Variants in INTS3 observed in about 807,000 individuals in gnomAD.
The protein encoded by INTS3 is integrator complex subunit 3.
Under a neutral mutation model 146.3 loss-of-function variants are expected in INTS3, and 34 were observed. The ratio of observed to expected loss-of-function variants is 0.23; its 90% CI spans 0.18 to 0.31. INTS3 has a LOEUF of 0.31. Among genes scored for constraint, INTS3 ranks in the 10% least tolerant of loss-of-function variants. The probability of loss-of-function intolerance (pLI) is 1.00; values close to 1 mark genes in which losing one functional copy is unlikely to be tolerated. For synonymous variants in INTS3, 475 were observed against 494.9 expected, an observed-to-expected ratio of 0.96 and a Z score of 0.53; for missense variants, 757 against 1,304.2, an observed-to-expected ratio of 0.58 and a Z score of 6.46.
intron 22 of INTS3, 57 bp from the exon 23 acceptor site, chr1:153,769,712 A>T: frequency 8.5e-7 from 1 of 1,179,756 alleles, no homozygotes. Flanking sequence ...CCTCCATACT[A>T]GCTTCCTGGC....
At chr1:153,755,422 G>A (rs1447929063) in intron 9 of INTS3, among the ~76,000 whole-genome samples, 1 of 152,054 alleles carries the variant, frequency 6.6e-6, no homozygotes, top group East Asian at 1.9e-4. Flanking sequence ...CACCACACCT[G>A]GCAAATTTTG....
chr1:153,773,510 G>A lies in INTS3; in HGVS notation c.*240G>A. The A allele has an allele frequency of 1.7e-6, 1 of 591,072 alleles. No homozygotes were observed. Among genetic ancestry groups the A allele is most frequent in the Non-Finnish European group, 3.1e-6 (1 of 323,556 alleles). The allele number at this position is 591,072 out of a possible 1,614,324, so 36.6% of individuals were successfully genotyped here. A position where few individuals can be genotyped will look rare whatever the true frequency, so the allele number is the denominator to read the frequency against. ...CACTGCTGTTCCCAGTGATATTTGG[G>A]ATCTGACTGAAGCCAGAGGCTCTGT... On this transcript the variant is annotated 3_prime_UTR_variant, in exon 30 of 30. Coordinates refer to ENST00000318967, the MANE Select transcript of INTS3 (RefSeq NM_023015.5).
At chr1:153,770,633 C>G (rs921954852) in intron 24 of INTS3, 52 bp from the exon 25 acceptor site, 28 of 1,499,514 alleles carry the variant, frequency 1.9e-5, no homozygotes, top group Non-Finnish European at 2.6e-5. Context: ...TCCCCAGATT[C>G]CATCCTGGAA....
chr1:153,737,495 G>A (rs6663988), intron 1 of INTS3, among the ~76,000 whole-genome samples: 20,235 of 152,094 alleles, frequency 0.13, 2,391 homozygotes, highest in African/African-American at 0.32. Flanking sequence ...TTGTTTAACT[G>A]GAGACCCTGG....
chr1:153,747,475 C>T (rs1671793461), intron 5 of INTS3, 112 bp downstream of exon 5: 1 of 793,896 alleles, frequency 1.3e-6, no homozygotes, highest in Non-Finnish European at 2.2e-6. Context: ...ATTGCTTAGA[C>T]TGTTTCCTTC....
At position 153,772,403 on chromosome 1, in the gene INTS3, C is replaced by T. The variant is rs1388121964; in HGVS notation, c.2784C>T (p.Asp928=). 1.9e-6 allele frequency: 3 copies of T among 1,614,022 alleles called. No individual in the cohort carries two copies. The highest frequency in any genetic ancestry group is 2.5e-6 in the Non-Finnish European group (3 of 1,180,042). ...LTLEQILEHL[D]NLRLNLTNTK... ...TGGAGCAGATCCTGGAGCACTTGGA[C>T]AATCTGCGGCTCAACCTGACCAACA... The change falls in exon 27 of 30, where the codon GAC becomes GAT. Residue 928 remains aspartate, a synonymous_variant. Coordinates refer to ENST00000318967, the MANE Select transcript of INTS3 (RefSeq NM_023015.5). The surrounding 1 kb of genome is among the most constrained non-coding windows in gnomAD (Gnocchi z 4.6).
At chr1:153,760,563 C>T (rs1419364957) in intron 12 of INTS3, 173 bp downstream of exon 12, 3 of 632,550 alleles carry the variant, frequency 4.7e-6, no homozygotes, top group Non-Finnish European at 8.4e-6. Flanking sequence ...CCACTGTCTG[C>T]ACTTGGATCT....
intron 3 of INTS3, among the ~76,000 whole-genome samples, chr1:153,742,497 TG>T (rs1178321564): frequency 6.6e-6 from 1 of 151,922 alleles, no homozygotes; most frequent in Non-Finnish European, 1.5e-5. Flanking sequence ...TGTGTGTGTG[TG>T]TGTGTGTGTG....
At position 153,747,360 on chromosome 1, in the gene INTS3, G is replaced by A; in HGVS notation, c.514G>A (p.Ala172Thr). ...GVCMTFMKQI[A>T]GGDVTAKNIW... is the part of the protein sequence containing the mutation. Reference sequence around the variant, plus strand: ...TTGTATGACGTTTATGAAGCAGATTGCAGGTGAGTTTGATGGCAGGAGCAT... The same window carrying A: ...TTGTATGACGTTTATGAAGCAGATTACAGGTGAGTTTGATGGCAGGAGCAT... Residue 172 changes from alanine (A) to threonine (T), a missense_variant, in exon 5 of 30, where the codon GCA becomes ACA. Transcript: ENST00000318967. The A allele has an allele frequency of 6.2e-7, 1 of 1,613,382 alleles. No individual in the cohort carries two copies. Among genetic ancestry groups the A allele is most frequent in the Non-Finnish European group, 8.5e-7 (1 of 1,179,322 alleles).
chr1:153,764,238 C>G lies in INTS3; in HGVS notation c.1925+17C>G. 1 of 1,568,352 alleles carries G rather than the reference C, an allele frequency of 6.4e-7. No homozygotes were observed. ...TACTGAGGAGTAAGGCTGATTTTCC[C>G]TCACTCCAGAGCCTCAGGAGCCAGA... On this transcript the variant is annotated intron_variant, in intron 18 of 29. Coordinates refer to ENST00000318967, the MANE Select transcript of INTS3 (RefSeq NM_023015.5).
At chr1:153,734,956 A>C (rs542064198) in intron 1 of INTS3, among the ~76,000 whole-genome samples, 25 of 152,188 alleles carry the variant, frequency 1.6e-4, no homozygotes, top group Non-Finnish European at 3.5e-4. Context: ...AGCTTCCCGC[A>C]AATTGAATAG....
chr1:153,759,065 C>T (rs934143385), intron 10 of INTS3, among the ~76,000 whole-genome samples: 3 of 148,828 alleles, frequency 2.0e-5, no homozygotes, highest in African/African-American at 2.5e-5. Context: ...TGGAGTAAGC[C>T]GTGATCATGC....
intron 6 of INTS3, 24 bp downstream of exon 6, chr1:153,748,779 G>A (rs1271604866): frequency 1.9e-6 from 3 of 1,590,174 alleles, no homozygotes; most frequent in Admixed American, 1.7e-5. Flanking sequence ...CGAAGGGTGG[G>A]GTACAGGCCA....
rs1232706865 is a variant in INTS3 at position 153,770,309 on chromosome 1, A to T, written c.2501A>T (p.Lys834Met). Residue 834 changes from lysine to methionine, a missense_variant and splice_region_variant, in exon 24 of 30, where the codon AAG becomes ATG. By Grantham distance (95) the Lys-to-Met change is moderately conservative (BLOSUM62 -1). Transcript: ENST00000318967. Reference protein sequence around the residue: ...IIPILQHLKYKEHPEALSCLL... With the variant: ...IIPILQHLKYMEHPEALSCLL... Reference sequence around the variant, plus strand: ...CCCATCCTGCAGCACCTCAAATACAAGGGTGAGTAGGCTTTTGGGTAGGGA... The same window carrying T: ...CCCATCCTGCAGCACCTCAAATACATGGGTGAGTAGGCTTTTGGGTAGGGA... 6.4e-7 allele frequency: 1 copy of T among 1,572,840 alleles called. No homozygotes were observed. The highest frequency in any genetic ancestry group is 8.8e-7 in the Non-Finnish European group (1 of 1,142,422).
At chr1:153,770,049 G>A in intron 23 of INTS3, 149 bp from the exon 24 acceptor site, 1 of 519,520 alleles carries the variant, frequency 1.9e-6, no homozygotes, top group Non-Finnish European at 3.4e-6. Flanking sequence ...CTGGTAGTCA[G>A]TGGATTGGGG....
chr1:153,755,404 C>T (rs778694860), intron 9 of INTS3, among the ~76,000 whole-genome samples: 5 of 152,164 alleles, frequency 3.3e-5, no homozygotes, highest in African/African-American at 1.2e-4. Context: ...GCTAGGATTA[C>T]AGGCATGCAC....
chr1:153,769,188 C>T (rs1264603507), intron 22 of INTS3, among the ~76,000 whole-genome samples: 1 of 152,212 alleles, frequency 6.6e-6, no homozygotes, highest in Non-Finnish European at 1.5e-5. Context: ...TCCCCTTATT[C>T]TCCATATTCT....
chr1:153,736,843 A>G (rs895067068), intron 1 of INTS3, among the ~76,000 whole-genome samples: 2 of 142,184 alleles, frequency 1.4e-5, no homozygotes, highest in African/African-American at 5.4e-5. Context: ...GGCTCACTGC[A>G]AGCTTCGCCG....
chr1:153,738,288 G>A (rs1374133235), intron 1 of INTS3, among the ~76,000 whole-genome samples: 3 of 151,992 alleles, frequency 2.0e-5, no homozygotes, highest in African/African-American at 7.3e-5. Context: ...TTATAGAGAT[G>A]GGGGTCTCCC....
Sources: allele counts gnomAD v4.1 joint callset (sites outside exome capture counted in the v4.1 genomes callset), GRCh38; gene constraint gnomAD v4.1.1; non-coding constraint Gnocchi (gnomAD v3.1); transcripts MANE v1.5; gene names NCBI Gene and HGNC (gene_info 2026-07-23, HGNC 2026-07-21).